RCBTB2: variants seen among roughly 807,000 people sequenced by gnomAD.
RCBTB2 encodes RCC1 and BTB domain containing protein 2.
A neutral mutation model predicts 65.4 loss-of-function variants in RCBTB2; 55 were observed. The observed-to-expected ratio is 0.84, with a 90% CI of 0.68 to 1.05. The LOEUF is 1.05. RCBTB2 is among the 50% of genes least tolerant of loss of function. The pLI is 0.00. For synonymous variants in RCBTB2, 220 were observed against 255.2 expected (o/e 0.86, Z 1.31); for missense variants, 599 against 680.1 (o/e 0.88, Z 1.33).
chr13:48,511,910 G>T (rs1382365386), intron 8 of RCBTB2, 33 bp from the exon 9 acceptor site: 1 of 1,612,468 alleles, frequency 6.2e-7, no homozygotes, highest in East Asian at 2.2e-5. Context: ...ATCCTCTCAA[G>T]AGACAAATGG....
chr13:48,510,577 TA>T, intron 10 of RCBTB2, 51 bp downstream of exon 10: 2 of 1,586,044 alleles, frequency 1.3e-6, no homozygotes. Flanking sequence ...AAGTCCTGTT[TA>T]ATCACAATCA....
chr13:48,533,085 T>G (rs1410814290), upstream of RCBTB2: 1 of 449,008 alleles, frequency 2.2e-6, no homozygotes, highest in Non-Finnish European at 4.5e-6. Flanking sequence ...TACTGCACGG[T>G]CAGGGGCCCG....
chr13:48,527,371 T>C (rs941739570), intron 1 of RCBTB2, among the ~76,000 whole-genome samples: 5 of 138,730 alleles, frequency 3.6e-5, no homozygotes, highest in East Asian at 2.0e-4. Flanking sequence ...TTATATATGA[T>C]ATATATATAT....
intron 14 of RCBTB2, among the ~76,000 whole-genome samples, chr13:48,493,325 T>TCTCTCTCTCTC (rs1949818732): frequency 8.0e-6 from 1 of 125,140 alleles, no homozygotes; most frequent in Admixed American, 7.8e-5. Context: ...ACTCTCTCTC[T>TCTCTCTCTCTC]CTCTCTCTCT....
chr13:48,528,368 C>T (rs546825813), intron 1 of RCBTB2, among the ~76,000 whole-genome samples: 5 of 152,282 alleles, frequency 3.3e-5, no homozygotes, highest in South Asian at 4.1e-4. Flanking sequence ...ATGAGATCAA[C>T]TCTAAAGCTA....
chr13:48,509,494 AG>A (rs1233819083), intron 10 of RCBTB2, among the ~76,000 whole-genome samples: 2 of 152,078 alleles, frequency 1.3e-5, no homozygotes, highest in Non-Finnish European at 2.9e-5. Context: ...TTCTCTTCTG[AG>A]GAGCTCTAAG....
At chr13:48,493,906 T>C (rs548713145) in intron 14 of RCBTB2, among the ~76,000 whole-genome samples, 6 of 152,258 alleles carry the variant, frequency 3.9e-5, no homozygotes, top group African/African-American at 1.2e-4. Flanking sequence ...CCCCAGTGCG[T>C]AGGGCAGTGC....
At chr13:48,513,614 C>T (rs1010087824) in intron 6 of RCBTB2, among the ~76,000 whole-genome samples, 1 of 152,210 alleles carries the variant, frequency 6.6e-6, no homozygotes, top group Non-Finnish European at 1.5e-5. Context: ...CAAACTGCTA[C>T]AAAATTTGTC....
chr13:48,490,359 G>T, intron 14 of RCBTB2, 108 bp from the exon 15 acceptor site: 3 of 842,810 alleles, frequency 3.6e-6, no homozygotes, highest in Middle Eastern at 2.6e-4. Context: ...GATTTAATAG[G>T]CAAGTGGAGG....
chr13:48,515,078 C>T, intron 6 of RCBTB2, 127 bp downstream of exon 6: 1 of 847,748 alleles, frequency 1.2e-6, no homozygotes, highest in Non-Finnish European at 1.9e-6. Context: ...CAGATACATT[C>T]ATGTTTTATG....
intron 4 of RCBTB2, among the ~76,000 whole-genome samples, chr13:48,519,434 C>T (rs9331974): frequency 1.3e-3 from 194 of 152,300 alleles, no homozygotes; most frequent in African/African-American, 4.6e-3. Context: ...AAATTCCAGC[C>T]AGCTCTTACA....
chr13:48,518,472 A>AAAAAAAATATATATAT (rs1491137365), intron 4 of RCBTB2, among the ~76,000 whole-genome samples: 1 of 116,620 alleles, frequency 8.6e-6, no homozygotes, highest in Admixed American at 8.5e-5. Context: ...AAAAAAAAAA[A>AAAAAAAATATATATAT]ATATATATAT....
intron 10 of RCBTB2, among the ~76,000 whole-genome samples, chr13:48,505,683 A>G (rs912676376): frequency 6.6e-6 from 1 of 152,196 alleles, no homozygotes; most frequent in Admixed American, 6.5e-5. Flanking sequence ...TGTGGGCAGG[A>G]CACGCGGATC....
intron 13 of RCBTB2, among the ~76,000 whole-genome samples, chr13:48,497,922 G>GC (rs1593608955): frequency 6.6e-6 from 1 of 152,356 alleles, no homozygotes; most frequent in East Asian, 1.9e-4. Context: ...TCTGCCCCAA[G>GC]CCCCAGCTCT....
intron 13 of RCBTB2, among the ~76,000 whole-genome samples, chr13:48,497,738 T>C (rs768254593): frequency 2.6e-5 from 4 of 152,254 alleles, no homozygotes; most frequent in Admixed American, 1.3e-4. Context: ...ATCTTATACA[T>C]GTGGTAGACT....
At chr13:48,493,311 A>ACTCTCTCTCT (rs773819158) in intron 14 of RCBTB2, among the ~76,000 whole-genome samples, 2,298 of 56,924 alleles carry the variant, frequency 0.04, 26 homozygotes, top group Non-Finnish European at 0.057. Context: ...ACACACACAC[A>ACTCTCTCTCT]CACACTCTCT....
rs538353764 is a variant in RCBTB2 at position 48,529,972 on chromosome 13, C to A, written c.-219+3056G>T. Among the ~76,000 whole-genome samples the A allele has an allele frequency of 3.3e-5, 5 of 152,256 alleles. No individual in the cohort carries two copies. In the South Asian group the frequency reaches 1.0e-3, roughly 32 times the overall value. ...ATGGTGTGATCATGACTCACTGCAG[C>A]CTCAACCTTCCCGGCTCCAGTGATC... On this transcript the variant is annotated intron_variant, in intron 1 of 14. Transcript: ENST00000344532.
chr13:48,506,499 G>A (rs1950510574), intron 10 of RCBTB2, among the ~76,000 whole-genome samples: 1 of 152,192 alleles, frequency 6.6e-6, no homozygotes, highest in Non-Finnish European at 1.5e-5. Context: ...GAGTAATGAG[G>A]GTGGCCTGGA....
At chr13:48,501,449 A>G (rs139502081) in intron 12 of RCBTB2, among the ~76,000 whole-genome samples, 1,600 of 152,268 alleles carry the variant, frequency 0.011, 23 homozygotes, top group African/African-American at 0.037. Context: ...GTATCAATAC[A>G]GTGTTCAGAG....
Sources: allele counts gnomAD v4.1 joint callset (sites outside exome capture counted in the v4.1 genomes callset), GRCh38; gene constraint gnomAD v4.1.1; transcripts MANE v1.5; gene names NCBI Gene and HGNC (gene_info 2026-07-23, HGNC 2026-07-21).